Variants in DNAH6 observed in about 807,000 individuals in gnomAD.
DNAH6 encodes the protein dynein axonemal heavy chain 6.
Under a neutral mutation model 491.4 loss-of-function variants are expected in DNAH6, and 340 were observed. That is an observed-to-expected ratio of 0.69 (90% CI 0.63 to 0.76). The LOEUF is 0.76. Ranked by LOEUF, DNAH6 falls within the 30% of genes least tolerant of loss-of-function variation. DNAH6 has a pLI of 0.00. For missense variants in DNAH6, 4,443 were observed against 4,972.2 expected, an observed-to-expected ratio of 0.89 and a Z score of 3.20; for synonymous variants, 1,603 against 1,686.1, an observed-to-expected ratio of 0.95 and a Z score of 1.21.
chr2:84,577,182 T>A (rs1466856263), intron 12 of DNAH6, 75 bp from the exon 13 acceptor site: 1 of 890,598 alleles, frequency 1.1e-6, no homozygotes, highest in Admixed American at 3.5e-5. Context: ...TGCAATGATT[T>A]TTAATATATT....
intron 4 of DNAH6, among the ~76,000 whole-genome samples, chr2:84,540,242 A>C (rs1678113310): frequency 6.6e-6 from 1 of 152,176 alleles, no homozygotes; most frequent in African/African-American, 2.4e-5. Flanking sequence ...TGAAGAAATC[A>C]GCCTGATTGA....
At chr2:84,581,436 A>G (rs1683013053) in intron 14 of DNAH6, among the ~76,000 whole-genome samples, 1 of 152,232 alleles carries the variant, frequency 6.6e-6, no homozygotes, top group South Asian at 2.1e-4. Context: ...ACCTGCTTTA[A>G]AGAAGTTGAG....
At chr2:84,476,880 T>C in the DNAH6 span, among the ~76,000 whole-genome samples, 1 of 152,224 alleles carries the variant, frequency 6.6e-6, no homozygotes, top group African/African-American at 2.4e-5. Flanking sequence ...TTTCACTTTG[T>C]CCTGTTGTTA....
intron 68 of DNAH6, among the ~76,000 whole-genome samples, chr2:84,791,698 C>A (rs914124211): frequency 1.3e-5 from 2 of 149,640 alleles, no homozygotes; most frequent in Non-Finnish European, 1.5e-5. Context: ...AATATATATT[C>A]TTTTATATAT....
intron 76 of DNAH6, 96 bp from the exon 77 acceptor site, chr2:84,819,209 T>G: frequency 1.2e-6 from 1 of 820,330 alleles, no homozygotes; most frequent in Non-Finnish European, 1.9e-6. Flanking sequence ...AAGTCAGGCC[T>G]GGAACCCAGA....
chr2:84,462,619 G>A, the DNAH6 span, among the ~76,000 whole-genome samples: 1 of 152,204 alleles, frequency 6.6e-6, no homozygotes, highest in Admixed American at 6.5e-5. Flanking sequence ...CCAAGTTTGT[G>A]GGTGAGGGCT....
At chr2:84,620,555 C>T (rs979572601) in intron 24 of DNAH6, among the ~76,000 whole-genome samples, 9 of 152,206 alleles carry the variant, frequency 5.9e-5, no homozygotes, top group South Asian at 2.1e-4. Context: ...GCATGGGAGA[C>T]GTTTCACACA....
intron 33 of DNAH6, among the ~76,000 whole-genome samples, chr2:84,645,292 G>A (rs1689788237): frequency 1.3e-5 from 2 of 152,126 alleles, no homozygotes; most frequent in African/African-American, 4.8e-5. Flanking sequence ...GGTGGCACAT[G>A]CCTGTAATCC....
intron 5 of DNAH6, among the ~76,000 whole-genome samples, chr2:84,546,575 A>C (rs753498027): frequency 3.3e-5 from 5 of 152,150 alleles, no homozygotes; most frequent in African/African-American, 4.8e-5. Context: ...TTCTTCTTCT[A>C]TGTTGTAGCA....
intron 11 of DNAH6, among the ~76,000 whole-genome samples, chr2:84,558,498 CATGT>C (rs1377466925): frequency 6.6e-6 from 1 of 151,968 alleles, no homozygotes; most frequent in Non-Finnish European, 1.5e-5. Context: ...GATCCACATG[CATGT>C]GTTTTTGGGG....
intron 16 of DNAH6, among the ~76,000 whole-genome samples, chr2:84,589,781 G>A (rs555440289): frequency 6.6e-6 from 1 of 150,768 alleles, no homozygotes; most frequent in South Asian, 2.1e-4. Flanking sequence ...AACATGAAGA[G>A]AAAGGGGTAA....
rs1462858186 is a variant in DNAH6 at position 84,634,608 on chromosome 2, A to G, written c.4620A>G (p.Gln1540=). 3.9e-6 allele frequency: 6 copies of G among 1,546,576 alleles called. No individual in the cohort carries two copies. The Admixed American group carries it at 6.0e-5, about 15-fold the overall frequency. The change falls in exon 30 of 77, where the codon CAA becomes CAG. Residue 1540 remains glutamine, a synonymous_variant. Transcript: ENST00000389394. ...DIEVLSVIAQ[Q]LITIRNAKAA... ...AAGTTCTGTCCGTCATCGCGCAGCA[A>G]CTCATTACCATTAGGAACGCCAAAG... is the stretch of plus-strand genomic sequence containing the variant.
intron 76 of DNAH6, among the ~76,000 whole-genome samples, chr2:84,819,085 A>AAG (rs112712194): frequency 2.8e-4 from 42 of 152,124 alleles, no homozygotes; most frequent in African/African-American, 9.9e-4. Context: ...GAAAAAAAAA[A>AAG]TTCTATGAAG....
chr2:84,511,789 TC>T (rs965981770), upstream of DNAH6, among the ~76,000 whole-genome samples: 1 of 152,224 alleles, frequency 6.6e-6, no homozygotes, highest in African/African-American at 2.4e-5. Context: ...CTGTCTTTTT[TC>T]CCTCTTCTTC....
At position 84,749,202 on chromosome 2, in the gene DNAH6, CAG is replaced by C. The variant is rs1430925296; in HGVS notation, c.10512+3955_10512+3956del. On this transcript the variant is annotated intron_variant, in intron 63 of 76. Transcript: ENST00000389394. ...CAAACTCTGTCATTCTGTAGGAAGACAGAAAATAAGTTATGTGGTTGACCTTA... is the reference window on the plus strand; with the variant it reads ...CAAACTCTGTCATTCTGTAGGAAGACAAAATAAGTTATGTGGTTGACCTTA... Among the ~76,000 whole-genome samples, 4 of 152,032 alleles carry C rather than the reference CAG, an allele frequency of 2.6e-5. No individual in the cohort carries two copies. In the South Asian group the frequency reaches 6.3e-4, roughly 24 times the overall value.
chr2:84,786,991 A>T (rs1677262443), intron 67 of DNAH6, among the ~76,000 whole-genome samples, 173 bp from the exon 68 acceptor site: 1 of 152,200 alleles, frequency 6.6e-6, no homozygotes, highest in African/African-American at 2.4e-5. Context: ...TTGAAGGAAG[A>T]GGTGCTTTCT....
intron 62 of DNAH6, among the ~76,000 whole-genome samples, chr2:84,741,799 G>C (rs1174549199): frequency 6.6e-6 from 1 of 152,236 alleles, no homozygotes; most frequent in Non-Finnish European, 1.5e-5. Context: ...GGGATTGTGT[G>C]TGGGTTCCCT....
chr2:84,609,385 T>C (rs1390790695), intron 21 of DNAH6, among the ~76,000 whole-genome samples: 1 of 152,148 alleles, frequency 6.6e-6, no homozygotes, highest in African/African-American at 2.4e-5. Flanking sequence ...TTAATTTAAA[T>C]TGAGAGACAT....
At chr2:84,568,559 A>T (rs1288306387) in intron 11 of DNAH6, among the ~76,000 whole-genome samples, 1 of 152,076 alleles carries the variant, frequency 6.6e-6, no homozygotes, top group East Asian at 1.9e-4. Flanking sequence ...ACTGGGACCC[A>T]TCAGGGTCTG....
Sources: allele counts gnomAD v4.1 joint callset (sites outside exome capture counted in the v4.1 genomes callset), GRCh38; gene constraint gnomAD v4.1.1; transcripts MANE v1.5; gene names NCBI Gene and HGNC (gene_info 2026-07-23, HGNC 2026-07-21).